C8orf88: variants seen among roughly 807,000 people sequenced by gnomAD.
C8orf88 encodes uncharacterized protein C8orf88.
C8orf88 carries 14 observed loss-of-function variants against 18.4 expected under a neutral mutation model. That is an observed-to-expected ratio of 0.76 (90% CI 0.50 to 1.19). The LOEUF is 1.19. C8orf88 is among the 50% of genes most tolerant of loss of function. The pLI is 0.00. For synonymous variants in C8orf88, 45 were observed against 42.9 expected (o/e 1.05, Z -0.19); for missense variants, 116 against 134.7 (o/e 0.86, Z 0.69).
chr8:90,959,054 A>G, intron 5 of C8orf88, 24 bp from the exon 6 acceptor site: 1 of 1,129,346 alleles, frequency 8.9e-7, no homozygotes, highest in Non-Finnish European at 1.2e-6. Flanking sequence ...GAAAAAGTTA[A>G]TTTATCAATT....
At chr8:90,971,376 A>C (rs1172918599) in intron 3 of C8orf88, among the ~76,000 whole-genome samples, 2 of 152,094 alleles carry the variant, frequency 1.3e-5, no homozygotes, top group Non-Finnish European at 2.9e-5. Flanking sequence ...AAAGGAATAT[A>C]AAACTAAAGA....
chr8:90,958,758 C>A lies in C8orf88; in HGVS notation c.*249G>T. ...TGCAAATTATAAATATACAGTCTTC[C>A]CACTTCACTAACCAAATTCCTACTT... On this transcript the variant is annotated 3_prime_UTR_variant, in exon 6 of 6. Transcript: ENST00000517562. 1 of 397,818 alleles carries A rather than the reference C, an allele frequency of 2.5e-6. No individual in the cohort carries two copies. Among genetic ancestry groups the A allele is most frequent in the Non-Finnish European group, 4.5e-6 (1 of 223,470 alleles). The allele number at this position is 397,818 out of a possible 1,614,324, so 24.6% of individuals were successfully genotyped here. A position where few individuals can be genotyped will look rare whatever the true frequency, so the allele number is the denominator to read the frequency against.
chr8:90,980,581 C>CAAA (rs1345077123), intron 1 of C8orf88, 120 bp from the exon 2 acceptor site: 13 of 511,474 alleles, frequency 2.5e-5, no homozygotes, highest in Non-Finnish European at 4.4e-5. Flanking sequence ...GTGGAAAACA[C>CAAA]AAACACAAAA....
At chr8:90,979,557 TGA>T (rs1282263322) in intron 2 of C8orf88, among the ~76,000 whole-genome samples, 1 of 152,192 alleles carries the variant, frequency 6.6e-6, no homozygotes, top group East Asian at 1.9e-4. Context: ...GATGGGAAAA[TGA>T]ACACAGGACA....
chr8:90,980,349 A>G lies in C8orf88; in HGVS notation c.73+14T>C, dbSNP rs1483936210. 16 of 1,495,150 alleles carry G rather than the reference A, an allele frequency of 1.1e-5. No homozygotes were observed. The South Asian group carries it at 1.5e-4, about 14-fold the overall frequency. 92.6% of individuals were successfully genotyped at this position (1,495,150 alleles called of 1,614,324 possible). ...CACATTAATATTTAAAGAACTGTAC[A>G]ATCTATTACTCACCTGGGGGAGAAG... On this transcript the variant is annotated intron_variant, in intron 2 of 5. Coordinates refer to ENST00000517562, the MANE Select transcript of C8orf88 (RefSeq NM_001190972.2).
At chr8:90,977,544 A>G (rs764238837) in intron 3 of C8orf88, among the ~76,000 whole-genome samples, 9 of 152,228 alleles carry the variant, frequency 5.9e-5, no homozygotes, top group African/African-American at 9.6e-5. Flanking sequence ...AGATTGTTCT[A>G]TATCAGTTCA....
intron 4 of C8orf88, among the ~76,000 whole-genome samples, chr8:90,963,031 G>A (rs891075881): frequency 5.3e-5 from 8 of 151,648 alleles, no homozygotes; most frequent in Non-Finnish European, 1.0e-4. Context: ...AAGATCCTAA[G>A]CACTCACTCC....
chr8:90,981,667 G>C (rs1488648785), intron 1 of C8orf88, among the ~76,000 whole-genome samples: 1 of 151,994 alleles, frequency 6.6e-6, no homozygotes. Flanking sequence ...TGGACTATCA[G>C]TTAGTTGAGG....
chr8:90,977,140 C>T (rs1390237297), intron 3 of C8orf88, among the ~76,000 whole-genome samples: 1 of 151,940 alleles, frequency 6.6e-6, no homozygotes, highest in Non-Finnish European at 1.5e-5. Context: ...TGGCAATTCA[C>T]AAAAGAGGAG....
chr8:90,972,380 T>C lies in C8orf88; in HGVS notation c.148-1239A>G, dbSNP rs114497264. Among the ~76,000 whole-genome samples the C allele has an allele frequency of 4.4e-3, 666 of 152,050 alleles. 5 individuals carry two copies. Among genetic ancestry groups the C allele is most frequent in the African/African-American group, 0.015 (612 of 41,484 alleles). ...GGTTCTCCAAAGTTCTTCTAGACTGTTGTATTTAATTAACTATAAAATGGT... is the reference window on the plus strand; with the variant it reads ...GGTTCTCCAAAGTTCTTCTAGACTGCTGTATTTAATTAACTATAAAATGGT... On this transcript the variant is annotated intron_variant, in intron 3 of 5. Transcript: ENST00000517562.
chr8:90,974,443 T>G (rs1187307541), intron 3 of C8orf88, among the ~76,000 whole-genome samples: 2 of 152,144 alleles, frequency 1.3e-5, no homozygotes, highest in Non-Finnish European at 2.9e-5. Flanking sequence ...GAGTGAGCCA[T>G]TTTCATCATC....
At chr8:90,967,097 A>G (rs539073836) in intron 4 of C8orf88, among the ~76,000 whole-genome samples, 13 of 151,992 alleles carry the variant, frequency 8.6e-5, no homozygotes, top group African/African-American at 2.4e-4. Flanking sequence ...TTGAAAAAAG[A>G]AACAGTGAAA....
Position 90,958,483 on chromosome 8 carries a change from C to T in C8orf88, c.*524G>A, listed in dbSNP as rs1174971749. 1 of 151,554 alleles carries T rather than the reference C, an allele frequency of 6.6e-6. No homozygotes were observed. Among genetic ancestry groups the T allele is most frequent in the Non-Finnish European group, 1.5e-5 (1 of 67,696 alleles). 9.4% of individuals were successfully genotyped at this position (151,554 alleles called of 1,614,324 possible). ...AAAGAAATACCCATTAAAAATTCTG[C>T]CTCCTGTTTATTGAGAACTATGCAT... On this transcript the variant is annotated 3_prime_UTR_variant, in exon 6 of 6. Transcript: ENST00000517562.
intron 1 of C8orf88, among the ~76,000 whole-genome samples, chr8:90,982,145 T>C (rs1586167377): frequency 6.6e-6 from 1 of 152,272 alleles, no homozygotes; most frequent in South Asian, 2.1e-4. Flanking sequence ...AGCTTTGTAA[T>C]GTGTCTGTTA....
At chr8:90,981,411 C>T (rs1811434087) in intron 1 of C8orf88, among the ~76,000 whole-genome samples, 1 of 152,178 alleles carries the variant, frequency 6.6e-6, no homozygotes, top group African/African-American at 2.4e-5. Context: ...CTCTGCTGCT[C>T]TTCTTCCAAA....
chr8:90,975,620 T>C (rs1563554770), intron 3 of C8orf88, among the ~76,000 whole-genome samples: 1 of 152,074 alleles, frequency 6.6e-6, no homozygotes, highest in East Asian at 1.9e-4. Flanking sequence ...CTAAAATGGC[T>C]AAAAATAAAA....
At chr8:90,959,973 C>T (rs933309553) in intron 5 of C8orf88, among the ~76,000 whole-genome samples, 1 of 151,310 alleles carries the variant, frequency 6.6e-6, no homozygotes, top group Non-Finnish European at 1.5e-5. Flanking sequence ...TTTATTAATC[C>T]TAACAGCCAG....
At chr8:90,963,126 T>C (rs529844127) in intron 4 of C8orf88, among the ~76,000 whole-genome samples, 1 of 151,758 alleles carries the variant, frequency 6.6e-6, no homozygotes, top group East Asian at 1.9e-4. Context: ...AGAGGCCTTA[T>C]GCAAAGGCTG....
intron 2 of C8orf88, among the ~76,000 whole-genome samples, chr8:90,979,894 C>T (rs1045511922): frequency 3.9e-5 from 6 of 152,196 alleles, no homozygotes; most frequent in Non-Finnish European, 7.3e-5. Flanking sequence ...AGTTCAAACA[C>T]AGCCATAACC....
Sources: gnomAD v4.1 joint callset for allele counts (sites outside exome capture counted in the v4.1 genomes callset) on GRCh38, gnomAD v4.1.1 for gene constraint, MANE v1.5 for transcripts, NCBI Gene and HGNC (gene_info 2026-07-23, HGNC 2026-07-21) for gene names.